Variants in RMDN2 observed in about 807,000 individuals in gnomAD.
RMDN2 encodes the protein regulator of microtubule dynamics 2, also known as regulator of microtubule dynamics protein 2.
Under a neutral mutation model 52.8 loss-of-function variants are expected in RMDN2, and 61 were observed. The ratio of observed to expected loss-of-function variants is 1.16; its 90% CI spans 0.94 to 1.43. RMDN2 has a LOEUF of 1.43. Ranked by LOEUF, RMDN2 falls within the 40% of genes most tolerant of loss-of-function variation. RMDN2 has a pLI of 0.00. For synonymous variants in RMDN2, 180 were observed against 153.1 expected, an observed-to-expected ratio of 1.18 and a Z score of -1.30; for missense variants, 592 against 475.3, an observed-to-expected ratio of 1.25 and a Z score of -2.28.
chr2:37,957,909 T>TC (rs1185309246), intron 2 of RMDN2, among the ~76,000 whole-genome samples: 1 of 152,216 alleles, frequency 6.6e-6, no homozygotes, highest in Non-Finnish European at 1.5e-5. Flanking sequence ...GGGAATCCTT[T>TC]CCCCTTGCTT....
upstream of RMDN2, among the ~76,000 whole-genome samples, chr2:37,924,792 G>C (rs1025632505): frequency 6.6e-6 from 1 of 152,208 alleles, no homozygotes; most frequent in Admixed American, 6.5e-5. Flanking sequence ...TCGGAATGGC[G>C]GGGAGAAGGA....
chr2:37,942,194 A>G (rs373471190), intron 2 of RMDN2, among the ~76,000 whole-genome samples: 4 of 151,992 alleles, frequency 2.6e-5, no homozygotes, highest in Non-Finnish European at 4.4e-5. Flanking sequence ...GTGAGGCGAA[A>G]TCCCACCCGG....
Position 37,991,285 on chromosome 2 carries a change from A to T in RMDN2, c.933A>T (p.Arg311Ser). Residue 311 changes from arginine to serine, a missense_variant, in exon 7 of 11, where the codon AGA (arginine) becomes AGT (serine). Coordinates refer to ENST00000354545, the MANE Select transcript of RMDN2 (RefSeq NM_001170791.3). ...EEPFLYYLKG[R>S]YCYTVSKLSW... ...CCTTTCTATATTACCTCAAAGGGAGATACTGCTATACTGTAAGTTGAATGC... is the reference window on the plus strand; with the variant it reads ...CCTTTCTATATTACCTCAAAGGGAGTTACTGCTATACTGTAAGTTGAATGC... The T allele has an allele frequency of 6.6e-7, 1 of 1,513,042 alleles. No individual in the cohort carries two copies. The highest frequency in any genetic ancestry group is 1.3e-5 in the South Asian group (1 of 78,244). The allele number at this position is 1,513,042 out of a possible 1,614,324, so 93.7% of individuals were successfully genotyped here. A position where few individuals can be genotyped will look rare whatever the true frequency, so the allele number is the denominator to read the frequency against.
intron 1 of RMDN2, among the ~76,000 whole-genome samples, chr2:37,926,673 C>T (rs927311432): frequency 6.6e-6 from 1 of 152,348 alleles, no homozygotes; most frequent in East Asian, 1.9e-4. Context: ...GAGGCAGTGG[C>T]CCATGCTGCT....
chr2:37,978,980 C>G (rs1351483558), intron 4 of RMDN2, among the ~76,000 whole-genome samples: 1 of 151,984 alleles, frequency 6.6e-6, no homozygotes, highest in Non-Finnish European at 1.5e-5. Flanking sequence ...GAGTTAATGT[C>G]TTAGATGGTG....
At chr2:37,939,126 T>C (rs1045610035) in intron 2 of RMDN2, among the ~76,000 whole-genome samples, 34 of 152,336 alleles carry the variant, frequency 2.2e-4, no homozygotes, top group Admixed American at 8.5e-4. Context: ...AAATAACTTA[T>C]TTATTCTGCC....
chr2:37,966,614 C>G (rs1369094499), intron 2 of RMDN2, among the ~76,000 whole-genome samples: 4 of 151,568 alleles, frequency 2.6e-5, no homozygotes, highest in Non-Finnish European at 1.5e-5. Context: ...ATTTTTTATT[C>G]TTTTTGTTCC....
chr2:37,982,289 G>A (rs1240730746), intron 5 of RMDN2, among the ~76,000 whole-genome samples: 5 of 152,134 alleles, frequency 3.3e-5, no homozygotes, highest in Admixed American at 1.3e-4. Flanking sequence ...ACCAGCAGGG[G>A]GAGCTCCACT....
intron 2 of RMDN2, among the ~76,000 whole-genome samples, chr2:37,937,224 T>C (rs1482921689): frequency 6.6e-6 from 1 of 152,110 alleles, no homozygotes; most frequent in Admixed American, 6.5e-5. Context: ...AGATGTGTGG[T>C]GTTATTTCTG....
chr2:38,018,360 C>G (rs1212315141), downstream of RMDN2, among the ~76,000 whole-genome samples: 2 of 152,104 alleles, frequency 1.3e-5, no homozygotes, highest in Non-Finnish European at 2.9e-5. Context: ...TTGGCACAAA[C>G]CTTTGGTAAA....
chr2:38,010,441 CTTGCAG>C (rs1677806333), intron 10 of RMDN2, among the ~76,000 whole-genome samples: 1 of 152,214 alleles, frequency 6.6e-6, no homozygotes, highest in Admixed American at 6.5e-5. Context: ...TTGCTGCTGC[CTTGCAG>C]TTTGATCTCA....
chr2:38,044,369 T>G (rs1466728229), intron 10 of RMDN2, among the ~76,000 whole-genome samples: 1 of 152,036 alleles, frequency 6.6e-6, no homozygotes, highest in Non-Finnish European at 1.5e-5. Flanking sequence ...TTTTCGGTAT[T>G]TATCCCTCCT....
At chr2:37,954,220 A>G (rs1018884050) in intron 2 of RMDN2, among the ~76,000 whole-genome samples, 1 of 151,848 alleles carries the variant, frequency 6.6e-6, no homozygotes, top group Admixed American at 6.6e-5. Flanking sequence ...TAGTTTATCA[A>G]TTTTTTCTTT....
intron 7 of RMDN2, among the ~76,000 whole-genome samples, chr2:37,992,500 TA>T (rs1450599086): frequency 6.6e-6 from 1 of 152,236 alleles, no homozygotes; most frequent in Non-Finnish European, 1.5e-5. Context: ...AAGTTTGTAT[TA>T]CCTTCCAACA....
intron 1 of RMDN2, among the ~76,000 whole-genome samples, chr2:37,926,825 A>C (rs529815782): frequency 9.5e-4 from 145 of 152,302 alleles, no homozygotes; most frequent in Middle Eastern, 3.4e-3. Flanking sequence ...GGTCCTAGCT[A>C]CTAGGGAGGC....
chr2:38,042,562 C>A (rs1403126429), intron 10 of RMDN2, among the ~76,000 whole-genome samples: 2 of 150,144 alleles, frequency 1.3e-5, no homozygotes, highest in African/African-American at 4.9e-5. Context: ...TATTGTTTTT[C>A]TTTCTCTAGT....
At chr2:38,045,166 T>C (rs1243001467) in intron 10 of RMDN2, among the ~76,000 whole-genome samples, 2 of 152,224 alleles carry the variant, frequency 1.3e-5, no homozygotes, top group Non-Finnish European at 2.9e-5. Context: ...AAATACGTAA[T>C]TTAAATAGTA....
chr2:37,967,218 G>T (rs1191524318), intron 2 of RMDN2, among the ~76,000 whole-genome samples: 1 of 152,268 alleles, frequency 6.6e-6, no homozygotes, highest in South Asian at 2.1e-4. Context: ...AGACATCTCT[G>T]TTGGTTCTGT....
intron 2 of RMDN2, among the ~76,000 whole-genome samples, chr2:37,964,233 G>T (rs1431973297): frequency 6.6e-6 from 1 of 152,222 alleles, no homozygotes; most frequent in African/African-American, 2.4e-5. Context: ...CGGCTGCCGG[G>T]CGGAGGGGCT....
Sources: allele counts gnomAD v4.1 joint callset (sites outside exome capture counted in the v4.1 genomes callset), GRCh38; gene constraint gnomAD v4.1.1; transcripts MANE v1.5; gene names NCBI Gene and HGNC (gene_info 2026-07-23, HGNC 2026-07-21).